MAP3K20: variants seen among roughly 807,000 people sequenced by gnomAD.
MAP3K20 encodes HCCS-4.
Under a neutral mutation model 85.7 loss-of-function variants are expected in MAP3K20, and 40 were observed. The ratio of observed to expected loss-of-function variants is 0.47; its 90% CI spans 0.36 to 0.61. The LOEUF (loss-of-function observed/expected upper bound fraction) is 0.61. Ranked by LOEUF, MAP3K20 falls within the 20% of genes least tolerant of loss-of-function variation. The probability of loss-of-function intolerance (pLI) is 0.00; values close to 1 mark genes in which losing one functional copy is unlikely to be tolerated. For missense variants in MAP3K20, 817 were observed against 961.7 expected (o/e 0.85, Z 1.99); for synonymous variants, 325 against 327.7 (o/e 0.99, Z 0.09).
chr2:173,139,884 ACTTC>A (rs202190312), intron 2 of MAP3K20, among the ~76,000 whole-genome samples: 2,014 of 152,250 alleles, frequency 0.013, 25 homozygotes, highest in Middle Eastern at 0.024. Context: ...TGTTATATTT[ACTTC>A]CTAGATTTTA....
At chr2:173,157,369 T>A (rs1390152426) in intron 2 of MAP3K20, among the ~76,000 whole-genome samples, 3 of 151,614 alleles carry the variant, frequency 2.0e-5, no homozygotes, top group African/African-American at 7.3e-5. Context: ...ATCTGCCAGC[T>A]ATCACCCATA....
At chr2:173,189,372 G>C (rs546233300) in intron 5 of MAP3K20, among the ~76,000 whole-genome samples, 104 of 152,182 alleles carry the variant, frequency 6.8e-4, no homozygotes, top group African/African-American at 2.3e-3. Flanking sequence ...AGTAAGTATT[G>C]ATCATCTATC....
chr2:173,218,016 GT>G (rs551508471), intron 11 of MAP3K20, among the ~76,000 whole-genome samples: 5 of 151,592 alleles, frequency 3.3e-5, no homozygotes, highest in East Asian at 1.9e-4. Context: ...ATTTATAATT[GT>G]TTTTTTTCCC....
At position 173,209,799 on chromosome 2, in the gene MAP3K20, A is replaced by C. The variant is rs1479065450; in HGVS notation, c.815A>C (p.Lys272Thr). The C allele has an allele frequency of 6.2e-7, 1 of 1,614,156 alleles. No homozygotes were observed. The highest frequency in any genetic ancestry group is 1.7e-5 in the Admixed American group (1 of 60,020). ...SMSNDTSLPD[K>T]CNSFLHNKAE... ...TCAAATGACACGAGCCTTCCTGACAAGTGTAACTCATTCCTACACAACAAG... is the reference window on the plus strand; with the variant it reads ...TCAAATGACACGAGCCTTCCTGACACGTGTAACTCATTCCTACACAACAAG... Residue 272 changes from lysine (K) to threonine (T), a missense_variant, in exon 10 of 20, where the codon AAG becomes ACG. Physicochemically the swap from Lys to Thr is moderately conservative, Grantham distance 78. Around this residue, in one of 4 missense-constraint regions of MAP3K20, gnomAD observed 158 missense variants for 162.0 expected, o/e 0.98. Transcript: ENST00000375213.
At chr2:173,155,850 A>T (rs1689453481) in intron 2 of MAP3K20, among the ~76,000 whole-genome samples, 1 of 152,206 alleles carries the variant, frequency 6.6e-6, no homozygotes, top group Non-Finnish European at 1.5e-5. Context: ...GGCATTAATT[A>T]TTAGCTGCTT....
intron 2 of MAP3K20, among the ~76,000 whole-genome samples, chr2:173,148,111 C>T (rs2106223172): frequency 6.6e-6 from 1 of 152,232 alleles, no homozygotes; most frequent in Non-Finnish European, 1.5e-5. Flanking sequence ...TGAAGTTAAT[C>T]CTACAAGATG....
At chr2:173,151,956 A>G (rs1689320361) in intron 2 of MAP3K20, among the ~76,000 whole-genome samples, 1 of 152,230 alleles carries the variant, frequency 6.6e-6, no homozygotes, top group African/African-American at 2.4e-5. Flanking sequence ...ACATTCATTC[A>G]TTGCAAAAGA....
At chr2:173,100,469 C>T (rs1265332408) in intron 2 of MAP3K20, among the ~76,000 whole-genome samples, 1 of 152,164 alleles carries the variant, frequency 6.6e-6, no homozygotes, top group Non-Finnish European at 1.5e-5. Flanking sequence ...TTCCTTGATA[C>T]CTGGTATTGT....
chr2:173,251,911 G>C (rs900855265), intron 16 of MAP3K20, among the ~76,000 whole-genome samples: 2 of 152,178 alleles, frequency 1.3e-5, no homozygotes, highest in African/African-American at 2.4e-5. Context: ...TATCCTGAAT[G>C]ATCTTGGTCT....
intron 7 of MAP3K20, among the ~76,000 whole-genome samples, chr2:173,193,492 G>T (rs1176017105): frequency 6.6e-6 from 1 of 152,100 alleles, no homozygotes; most frequent in Non-Finnish European, 1.5e-5. Context: ...AGTTGCCAGG[G>T]CTTTGGTGTG....
At chr2:173,077,132 C>T (rs1686885944) in intron 1 of MAP3K20, among the ~76,000 whole-genome samples, 1 of 152,226 alleles carries the variant, frequency 6.6e-6, no homozygotes, top group Non-Finnish European at 1.5e-5. Flanking sequence ...AATCGTCTTA[C>T]AGAGTGAATT....
chr2:173,241,681 AT>A (rs1019418763), intron 16 of MAP3K20, among the ~76,000 whole-genome samples: 14 of 151,816 alleles, frequency 9.2e-5, no homozygotes, highest in East Asian at 1.9e-4. Flanking sequence ...AAAACATTAA[AT>A]TTTTTTTTAA....
At chr2:173,205,102 CAAA>C (rs1191556180) in intron 9 of MAP3K20, among the ~76,000 whole-genome samples, 637 of 53,998 alleles carry the variant, frequency 0.012, 14 homozygotes, top group Admixed American at 0.065. Context: ...GACTCTGTCT[CAAA>C]AAAAAAAAAA....
chr2:173,244,009 C>G (rs1264658520), intron 16 of MAP3K20, among the ~76,000 whole-genome samples: 5 of 152,162 alleles, frequency 3.3e-5, no homozygotes, highest in Admixed American at 6.6e-5. Flanking sequence ...TGAGAAAGAT[C>G]TGTGAGTGGG....
At chr2:173,194,395 G>A (rs1469031723) in intron 7 of MAP3K20, among the ~76,000 whole-genome samples, 3 of 151,982 alleles carry the variant, frequency 2.0e-5, no homozygotes, top group Non-Finnish European at 2.9e-5. Flanking sequence ...GAAAAAATAC[G>A]AGGTATGCTT....
intron 12 of MAP3K20, among the ~76,000 whole-genome samples, chr2:173,230,254 C>A (rs928926731): frequency 6.6e-6 from 1 of 152,038 alleles, no homozygotes; most frequent in Non-Finnish European, 1.5e-5. Context: ...TTCCAGAATA[C>A]AATAACAAAT....
intron 11 of MAP3K20, chr2:173,221,030 T>G: frequency 1.3e-6 from 1 of 770,084 alleles, no homozygotes. Context: ...CCTACATTCA[T>G]TTATTTCACT....
chr2:173,259,809 T>C (rs1574166584), intron 17 of MAP3K20, among the ~76,000 whole-genome samples: 2 of 152,372 alleles, frequency 1.3e-5, no homozygotes, highest in Non-Finnish European at 2.9e-5. Context: ...TGGTTTTACC[T>C]TTTTCTTATT....
At chr2:173,255,766 T>C (rs1685143748) in intron 16 of MAP3K20, among the ~76,000 whole-genome samples, 1 of 152,214 alleles carries the variant, frequency 6.6e-6, no homozygotes, top group Non-Finnish European at 1.5e-5. Context: ...ACTAACTTAA[T>C]TCCCAAACTT....
Sources: allele counts gnomAD v4.1 joint callset (sites outside exome capture counted in the v4.1 genomes callset), GRCh38; gene constraint gnomAD v4.1.1; regional missense constraint gnomAD v4.1.1; transcripts MANE v1.5; gene names NCBI Gene and HGNC (gene_info 2026-07-23, HGNC 2026-07-21).